The following MARCHF1 variants were observed in gnomAD, a reference collection of about 807,000 sequenced individuals.
MARCHF1 encodes the protein membrane associated ring-CH-type finger 1, also known as E3 ubiquitin-protein ligase MARCHF1.
MARCHF1 carries 40 observed loss-of-function variants against 54.2 expected under a neutral mutation model. The ratio of observed to expected loss-of-function variants is 0.74; its 90% CI spans 0.57 to 0.96. The LOEUF (loss-of-function observed/expected upper bound fraction) is 0.96, where lower values mean the gene tolerates loss of function less well. Among genes scored for constraint, MARCHF1 ranks in the 40% least tolerant of loss-of-function variants. The pLI, the probability that MARCHF1 is intolerant of heterozygous loss-of-function variation, is 0.00. For missense variants in MARCHF1, 586 were observed against 656.5 expected (o/e 0.89, Z 1.17); for synonymous variants, 236 against 236.3 (o/e 1.00, Z 0.01).
intron 1 of MARCHF1, among the ~76,000 whole-genome samples, chr4:164,214,564 C>G (rs1485319781): frequency 6.6e-6 from 1 of 152,086 alleles, no homozygotes; most frequent in Non-Finnish European, 1.5e-5. Flanking sequence ...AGATCCAAGT[C>G]ATAGCTTATC....
At chr4:164,137,622 A>G (rs1398816789) in intron 1 of MARCHF1, among the ~76,000 whole-genome samples, 1 of 152,192 alleles carries the variant, frequency 6.6e-6, no homozygotes, top group Non-Finnish European at 1.5e-5. Flanking sequence ...TTATATGAGA[A>G]TATATTTTCC....
chr4:163,547,593 G>T (rs374962995), intron 8 of MARCHF1, among the ~76,000 whole-genome samples: 1 of 152,144 alleles, frequency 6.6e-6, no homozygotes, highest in South Asian at 2.1e-4. Context: ...TGGCCATCCT[G>T]TTGTCTTCCT....
intron 1 of MARCHF1, among the ~76,000 whole-genome samples, chr4:164,323,076 T>G (rs1394832571): frequency 1.3e-5 from 2 of 151,872 alleles, no homozygotes; most frequent in South Asian, 2.1e-4. Flanking sequence ...ATTAGAAAAT[T>G]TACACCTTTT....
chr4:164,379,317 C>T (rs1731296556), intron 1 of MARCHF1, among the ~76,000 whole-genome samples: 1 of 151,734 alleles, frequency 6.6e-6, no homozygotes, highest in Non-Finnish European at 1.5e-5. Flanking sequence ...AATACTCAAA[C>T]AAGCACAGAG....
intron 5 of MARCHF1, among the ~76,000 whole-genome samples, chr4:163,686,964 G>A (rs184587881): frequency 3.4e-4 from 52 of 152,182 alleles, no homozygotes; most frequent in Non-Finnish European, 5.6e-4. Context: ...TCCAAACCAC[G>A]TAGCATTTAC....
At chr4:163,809,637 T>A (rs1043525140) in intron 4 of MARCHF1, among the ~76,000 whole-genome samples, 1 of 152,188 alleles carries the variant, frequency 6.6e-6, no homozygotes, top group Admixed American at 6.5e-5. Context: ...GATATTATTG[T>A]GTGCAAAAGA....
At chr4:164,206,500 T>A (rs1192283380) in intron 1 of MARCHF1, among the ~76,000 whole-genome samples, 1 of 152,214 alleles carries the variant, frequency 6.6e-6, no homozygotes, top group East Asian at 1.9e-4. Context: ...TACTATTTTT[T>A]AATTTTTTTA....
chr4:164,358,179 G>T (rs1730617252), intron 1 of MARCHF1, among the ~76,000 whole-genome samples: 1 of 152,144 alleles, frequency 6.6e-6, no homozygotes, highest in Admixed American at 6.6e-5. Flanking sequence ...AGCCTCTTCT[G>T]CTAGGTAAGG....
At chr4:163,563,227 T>C (rs1174864223) in intron 8 of MARCHF1, among the ~76,000 whole-genome samples, 1 of 152,226 alleles carries the variant, frequency 6.6e-6, no homozygotes, top group Non-Finnish European at 1.5e-5. Flanking sequence ...ATATTAATGG[T>C]TTTACATTAT....
chr4:163,906,589 T>C (rs1277329063), intron 3 of MARCHF1, among the ~76,000 whole-genome samples: 2 of 151,934 alleles, frequency 1.3e-5, no homozygotes, highest in Non-Finnish European at 2.9e-5. Context: ...CACCACAATC[T>C]ATGCCATAAA....
intron 2 of MARCHF1, among the ~76,000 whole-genome samples, chr4:164,051,957 T>C (rs1754378131): frequency 6.6e-6 from 1 of 152,202 alleles, no homozygotes. Flanking sequence ...CTACCTAAAA[T>C]GAATGTTGCT....
At chr4:163,782,180 C>G (rs565939571) in intron 4 of MARCHF1, among the ~76,000 whole-genome samples, 1 of 142,406 alleles carries the variant, frequency 7.0e-6, no homozygotes, top group Non-Finnish European at 1.5e-5. Context: ...TAGTATTATA[C>G]CCATCCTTGA....
At chr4:163,916,987 C>T (rs943721876) in intron 3 of MARCHF1, among the ~76,000 whole-genome samples, 2 of 152,032 alleles carry the variant, frequency 1.3e-5, no homozygotes, top group Non-Finnish European at 2.9e-5. Flanking sequence ...CCTAAAAATC[C>T]TCTATTCTCC....
intron 2 of MARCHF1, among the ~76,000 whole-genome samples, chr4:164,020,811 G>T (rs1753646311): frequency 6.6e-6 from 1 of 152,144 alleles, no homozygotes; most frequent in Admixed American, 6.5e-5. Context: ...CACACCTGTA[G>T]TCCTAGCTAC....
chr4:163,726,739 C>T (rs185902855), intron 4 of MARCHF1, among the ~76,000 whole-genome samples: 22 of 152,260 alleles, frequency 1.4e-4, no homozygotes, highest in Admixed American at 9.2e-4. Flanking sequence ...AATGAGTGTT[C>T]CTGTTACTCT....
At chr4:164,197,519 A>G in intron 1 of MARCHF1, 6 of 1,613,540 alleles carry the variant, frequency 3.7e-6, no homozygotes, top group Non-Finnish European at 4.2e-6. Context: ...AGCTTTCTCA[A>G]CTTTAACTTT....
chr4:164,133,511 C>A lies in MARCHF1; in HGVS notation c.-322-21849G>T, dbSNP rs187565376. Among the ~76,000 whole-genome samples the A allele has an allele frequency of 5.3e-5, 8 of 152,260 alleles. No individual in the cohort carries two copies. The East Asian group carries it at 1.5e-3, about 29-fold the overall frequency. On this transcript the variant is annotated intron_variant, in intron 1 of 9. Transcript: ENST00000514618. ...AAATTTATTTGAAGAAAAGTCTCAT[C>A]ACATTAAAATATAAGCACAAATATA... is the stretch of plus-strand genomic sequence containing the variant.
At chr4:164,301,390 G>C (rs1368361825) in intron 1 of MARCHF1, among the ~76,000 whole-genome samples, 2 of 152,184 alleles carry the variant, frequency 1.3e-5, no homozygotes, top group Non-Finnish European at 1.5e-5. Context: ...GAAGCCATCA[G>C]TTTACACAAG....
intron 1 of MARCHF1, among the ~76,000 whole-genome samples, chr4:164,148,207 G>A (rs150899184): frequency 5.3e-5 from 8 of 151,464 alleles, no homozygotes; most frequent in African/African-American, 7.3e-5. Context: ...AACAGAGGAC[G>A]AAAAAGATAT....
Sources: gnomAD v4.1 joint callset for allele counts (sites outside exome capture counted in the v4.1 genomes callset) on GRCh38, gnomAD v4.1.1 for gene constraint, MANE v1.5 for transcripts, NCBI Gene and HGNC (gene_info 2026-07-23, HGNC 2026-07-21) for gene names.